The following RABEP1 variants were observed in gnomAD, a reference collection of about 807,000 sequenced individuals.
RABEP1 encodes rabaptin, RAB GTPase binding effector protein 1, also known as rab GTPase-binding effector protein 1.
Under a neutral mutation model 123.4 loss-of-function variants are expected in RABEP1, and 51 were observed. The ratio of observed to expected loss-of-function variants is 0.41; its 90% CI spans 0.33 to 0.52. RABEP1 has a LOEUF of 0.52. Ranked by LOEUF, RABEP1 falls within the 20% of genes least tolerant of loss-of-function variation. The pLI, the probability that RABEP1 is intolerant of heterozygous loss-of-function variation, is 0.16. For missense variants in RABEP1, 888 were observed against 996.3 expected (o/e 0.89, Z 1.46); for synonymous variants, 347 against 355.2 (o/e 0.98, Z 0.26).
chr17:5,345,127 G>C (rs1567535195), intron 5 of RABEP1, among the ~76,000 whole-genome samples: 2 of 152,148 alleles, frequency 1.3e-5, no homozygotes, highest in Non-Finnish European at 2.9e-5. Flanking sequence ...CCCTAACCAG[G>C]TTGTAAGGGT....
chr17:5,370,828 C>CCAA (rs775028488), intron 12 of RABEP1, among the ~76,000 whole-genome samples: 6 of 151,978 alleles, frequency 3.9e-5, no homozygotes, highest in African/African-American at 1.5e-4. Flanking sequence ...TAAGTAAAGG[C>CCAA]CAACATTTCT....
At chr17:5,288,144 C>G (rs2074997605) in intron 1 of RABEP1, among the ~76,000 whole-genome samples, 1 of 151,986 alleles carries the variant, frequency 6.6e-6, no homozygotes, top group African/African-American at 2.4e-5. Context: ...ATGCCTATAA[C>G]TGACTTATTT....
intron 2 of RABEP1, among the ~76,000 whole-genome samples, chr17:5,314,663 C>T (rs553128529): frequency 1.6e-4 from 24 of 152,128 alleles, no homozygotes; most frequent in South Asian, 6.2e-4. Flanking sequence ...GGACTACAGG[C>T]GCCCGCCACC....
intron 6 of RABEP1, among the ~76,000 whole-genome samples, chr17:5,348,404 A>G (rs1908253878): frequency 6.6e-6 from 1 of 152,218 alleles, no homozygotes; most frequent in African/African-American, 2.4e-5. Context: ...TAGGTAAGGA[A>G]GTCTAAGAAA....
At chr17:5,305,098 AT>A (rs1401852925) in intron 1 of RABEP1, among the ~76,000 whole-genome samples, 6 of 152,088 alleles carry the variant, frequency 3.9e-5, no homozygotes, top group African/African-American at 1.4e-4. Flanking sequence ...TTTCTCCTTG[AT>A]TTGTGGTTGG....
At chr17:5,299,719 C>CTTTTCTTTTTTTTTTTTTTTTTTTTTTT (rs2075116264) in intron 1 of RABEP1, among the ~76,000 whole-genome samples, 2 of 98,854 alleles carry the variant, frequency 2.0e-5, no homozygotes, top group Admixed American at 1.2e-4. Context: ...TTTTTCTTTT[C>CTTTTCTTTTTTTTTTTTTTTTTTTTTTT]TTTTTCTTTT....
intron 11 of RABEP1, among the ~76,000 whole-genome samples, chr17:5,365,689 A>C (rs1206041364): frequency 5.9e-5 from 9 of 152,168 alleles, no homozygotes; most frequent in Non-Finnish European, 7.4e-5. Context: ...CTTTCCCCGC[A>C]CTTACAACTC....
At chr17:5,302,244 A>ATTTTTTTTTTT (rs57770310) in intron 1 of RABEP1, among the ~76,000 whole-genome samples, 4,121 of 118,134 alleles carry the variant, frequency 0.035, 406 homozygotes, top group African/African-American at 0.087. Context: ...TACTGAAAAC[A>ATTTTTTTTTTT]TTTTTTTTTT....
At chr17:5,373,053 C>G (rs750962098) in intron 12 of RABEP1, among the ~76,000 whole-genome samples, 26 of 152,218 alleles carry the variant, frequency 1.7e-4, no homozygotes, top group African/African-American at 2.4e-4. Flanking sequence ...CCACCACACC[C>G]AACCAAAAGA....
chr17:5,323,721 GGAATA>G, intron 2 of RABEP1, among the ~76,000 whole-genome samples: 1 of 66,228 alleles, frequency 1.5e-5, no homozygotes, highest in African/African-American at 9.4e-5. Context: ...TATATATCTA[GGAATA>G]TATATATATC....
chr17:5,332,413 T>C (rs1472168205), intron 3 of RABEP1, among the ~76,000 whole-genome samples: 6 of 152,170 alleles, frequency 3.9e-5, no homozygotes, highest in Non-Finnish European at 8.8e-5. Flanking sequence ...TAGTTCATTG[T>C]AAGGCTTAAA....
At chr17:5,341,550 T>C (rs751710376) in intron 5 of RABEP1, among the ~76,000 whole-genome samples, 3 of 152,230 alleles carry the variant, frequency 2.0e-5, no homozygotes, top group Non-Finnish European at 4.4e-5. Flanking sequence ...CAAATTCTTA[T>C]ATTTTACGAA....
At chr17:5,312,334 A>G (rs2075252262) in intron 2 of RABEP1, among the ~76,000 whole-genome samples, 2 of 152,174 alleles carry the variant, frequency 1.3e-5, no homozygotes, top group South Asian at 4.1e-4. Flanking sequence ...TATTTTTAGT[A>G]GAGACAGGGT....
chr17:5,285,362 G>A (rs1304847315), intron 1 of RABEP1, among the ~76,000 whole-genome samples: 1 of 147,262 alleles, frequency 6.8e-6, no homozygotes, highest in African/African-American at 2.5e-5. Context: ...TTGAACCCCT[G>A]GGCTCAAGTG....
chr17:5,337,773 T>A lies in RABEP1; in HGVS notation c.529-246T>A, dbSNP rs78820864. Among the ~76,000 whole-genome samples, 715 of 152,210 alleles carry A rather than the reference T, an allele frequency of 4.7e-3. 11 individuals carry two copies. Among genetic ancestry groups the A allele is most frequent in the Admixed American group, 0.027 (416 of 15,278 alleles). On this transcript the variant is annotated intron_variant, in intron 4 of 17. Transcript: ENST00000537505. ...TAATTGATTAAGAAGTCAAATTTGT[T>A]TTAGTGAATCAATTTTCCCATTTAC...
rs761788170 is a variant in RABEP1, at chr17:5,378,181, T to C, written c.2220T>C (p.Ser740=). The C allele has an allele frequency of 5.7e-6, 9 of 1,583,534 alleles. No homozygotes were observed. The South Asian group carries it at 1.0e-4, about 18-fold the overall frequency. The change falls in exon 15 of 18, where the codon TCT becomes TCC. Residue 740 remains serine, a synonymous_variant. Coordinates refer to ENST00000537505, the MANE Select transcript of RABEP1 (RefSeq NM_004703.6). Reference sequence around the variant, plus strand: ...ATCTCATTTTTTTCCTTCTAGCTTCTATTTCTAGCCTAAAAGCTGAATTAG... The same window carrying C: ...ATCTCATTTTTTTCCTTCTAGCTTCCATTTCTAGCCTAAAAGCTGAATTAG... ...EIENCKEEIA[S]ISSLKAELER... is the part of the protein sequence containing the mutation.
intron 5 of RABEP1, among the ~76,000 whole-genome samples, chr17:5,341,455 A>G (rs1178145617): frequency 6.6e-6 from 1 of 152,210 alleles, no homozygotes; most frequent in Non-Finnish European, 1.5e-5. Context: ...AGAGTAAAAA[A>G]TCTTATTGTC....
intron 1 of RABEP1, among the ~76,000 whole-genome samples, chr17:5,305,330 T>C (rs1223507080): frequency 2.0e-5 from 3 of 152,164 alleles, no homozygotes; most frequent in South Asian, 2.1e-4. Flanking sequence ...TCATGATTTC[T>C]AGAACTGAAC....
intron 2 of RABEP1, 104 bp from the exon 3 acceptor site, chr17:5,331,845 A>G (rs1906574730): frequency 2.0e-6 from 2 of 1,017,244 alleles, no homozygotes; most frequent in African/African-American, 1.6e-5. Context: ...AAAGGGTGTC[A>G]TTTTGTATGT....
Sources: allele counts gnomAD v4.1 joint callset (sites outside exome capture counted in the v4.1 genomes callset), GRCh38; gene constraint gnomAD v4.1.1; transcripts MANE v1.5; gene names NCBI Gene and HGNC (gene_info 2026-07-23, HGNC 2026-07-21).